Variants in HNRNPC observed in about 807,000 individuals in gnomAD.
HNRNPC encodes heterogeneous nuclear ribonucleoproteins C1/C2.
HNRNPC carries 3 observed loss-of-function variants against 33.2 expected under a neutral mutation model. That is an observed-to-expected ratio of 0.09 (90% CI 0.04 to 0.23). The LOEUF (loss-of-function observed/expected upper bound fraction) is 0.23, where lower values mean the gene tolerates loss of function less well. Ranked by LOEUF, HNRNPC falls within the 10% of genes least tolerant of loss-of-function variation. The pLI is 1.00. For missense variants in HNRNPC, 143 were observed against 366.7 expected (o/e 0.39, Z 4.98); for synonymous variants, 121 against 126.7 (o/e 0.96, Z 0.30).
intron 5 of HNRNPC, among the ~76,000 whole-genome samples, chr14:21,224,941 T>G (rs1893246136): frequency 6.6e-6 from 1 of 152,152 alleles, no homozygotes; most frequent in Non-Finnish European, 1.5e-5. Flanking sequence ...TATACTGTAT[T>G]ACTAGTCATG....
intron 5 of HNRNPC, among the ~76,000 whole-genome samples, chr14:21,224,690 A>G (rs936613095): frequency 6.6e-6 from 1 of 152,124 alleles, no homozygotes; most frequent in African/African-American, 2.4e-5. Context: ...ATAGGACACA[A>G]TCCCAGAACA....
chr14:21,249,146 G>A (rs899965106), intron 2 of HNRNPC, among the ~76,000 whole-genome samples: 2 of 152,082 alleles, frequency 1.3e-5, no homozygotes, highest in Admixed American at 6.6e-5. Flanking sequence ...CTTCTGCAAA[G>A]ATAGCAAAAT....
chr14:21,255,876 GAC>G (rs1444147949), intron 2 of HNRNPC, among the ~76,000 whole-genome samples: 1 of 152,208 alleles, frequency 6.6e-6, no homozygotes, highest in African/African-American at 2.4e-5. Flanking sequence ...AATAAGGGAA[GAC>G]ACATCACTAA....
rs759991431 is a variant in HNRNPC at position 21,211,835 on chromosome 14, A to T, written c.612T>A (p.Ile204=). ...CTGCTTGTTTGCTCTGTTCCTTTTCAATTTTTTCCAGGTTTTCCAGGAGAG... is the reference window on the plus strand; with the variant it reads ...CTGCTTGTTTGCTCTGTTCCTTTTCTATTTTTTCCAGGTTTTCCAGGAGAG... ...VDSLLENLEK[I]EKEQSKQAVE... is the part of the protein sequence containing the mutation. The change falls in exon 7 of 9, where the codon ATT becomes ATA. Residue 204 remains isoleucine (I), a synonymous_variant. Transcript: ENST00000553300. 2 of 1,612,460 alleles carry T rather than the reference A, an allele frequency of 1.2e-6. No homozygotes were observed. The highest frequency in any genetic ancestry group is 1.7e-6 in the Non-Finnish European group (2 of 1,179,888).
intron 2 of HNRNPC, among the ~76,000 whole-genome samples, chr14:21,244,903 GGT>G (rs1895789175): frequency 6.6e-6 from 1 of 151,734 alleles, no homozygotes; most frequent in Non-Finnish European, 1.5e-5. Flanking sequence ...AGACCAATAT[GGT>G]GAAACCCAGT....
At chr14:21,236,131 A>G (rs1329573480) in intron 2 of HNRNPC, among the ~76,000 whole-genome samples, 1 of 152,106 alleles carries the variant, frequency 6.6e-6, no homozygotes, top group Non-Finnish European at 1.5e-5. Context: ...ACCCCACGGC[A>G]TTTTTCATGT....
chr14:21,258,327 T>C (rs569598703), intron 2 of HNRNPC, among the ~76,000 whole-genome samples: 3 of 151,792 alleles, frequency 2.0e-5, no homozygotes, highest in Admixed American at 2.0e-4. Flanking sequence ...GAGGCGGAGG[T>C]TGCAGTGAGC....
chr14:21,235,151 C>T (rs1274439063), intron 2 of HNRNPC, among the ~76,000 whole-genome samples: 2 of 152,148 alleles, frequency 1.3e-5, no homozygotes, highest in Non-Finnish European at 2.9e-5. Flanking sequence ...TCTCAGGTCC[C>T]GTAAAGCGAA....
At chr14:21,241,665 T>C (rs1443214422) in intron 2 of HNRNPC, among the ~76,000 whole-genome samples, 2 of 152,242 alleles carry the variant, frequency 1.3e-5, no homozygotes, top group African/African-American at 4.8e-5. Flanking sequence ...CTGCTTCCTA[T>C]GGATCTTATT....
At chr14:21,249,970 GAATATGC>G (rs1896448663) in intron 2 of HNRNPC, among the ~76,000 whole-genome samples, 3 of 152,160 alleles carry the variant, frequency 2.0e-5, no homozygotes, top group Non-Finnish European at 2.9e-5. Context: ...TGAATCAAGA[GAATATGC>G]AATATGCAAA....
chr14:21,216,332 TTAA>T (rs1892181858), intron 5 of HNRNPC, among the ~76,000 whole-genome samples: 3 of 152,174 alleles, frequency 2.0e-5, no homozygotes, highest in Admixed American at 2.0e-4. Context: ...CGTTAATCTA[TTAA>T]TAATAAAGCT....
intron 3 of HNRNPC, among the ~76,000 whole-genome samples, chr14:21,233,252 ACATTAT>A (rs918813413): frequency 6.6e-6 from 1 of 152,236 alleles, no homozygotes; most frequent in Non-Finnish European, 1.5e-5. Flanking sequence ...TGGTTACATA[ACATTAT>A]CAAAGAATTG....
intron 2 of HNRNPC, among the ~76,000 whole-genome samples, chr14:21,258,289 C>T (rs1179703816): frequency 1.3e-5 from 2 of 151,600 alleles, no homozygotes; most frequent in Non-Finnish European, 2.9e-5. Context: ...ACTCAGGAGG[C>T]GGAGGCACAA....
At chr14:21,219,733 C>T (rs913752127) in intron 5 of HNRNPC, among the ~76,000 whole-genome samples, 12 of 152,178 alleles carry the variant, frequency 7.9e-5, no homozygotes, top group Middle Eastern at 3.4e-3. Flanking sequence ...TCCAGTATTG[C>T]GGTTTTATAA....
intron 2 of HNRNPC, among the ~76,000 whole-genome samples, chr14:21,234,500 C>T (rs1462384369): frequency 1.3e-5 from 2 of 152,184 alleles, no homozygotes; most frequent in East Asian, 3.8e-4. Flanking sequence ...CCTGGCAGAT[C>T]ATTGGCAATA....
intron 5 of HNRNPC, among the ~76,000 whole-genome samples, chr14:21,229,794 G>GT (rs2139622944): frequency 6.6e-6 from 1 of 152,232 alleles, no homozygotes; most frequent in South Asian, 2.1e-4. Context: ...AAGACAAATA[G>GT]TATATAAAGT....
In HNRNPC at chr14:21,260,369, TAA is replaced by T. The variant is rs11345053; in HGVS notation, c.-37+2940_-37+2941del. 7.2e-3 allele frequency among the ~76,000 whole-genome samples: 880 copies of T among 122,146 alleles called. 8 individuals are homozygous for T. Among genetic ancestry groups the T allele is most frequent in the African/African-American group, 0.021 (705 of 33,464 alleles). The allele number at this position is 122,146 out of a possible 152,430, so 80.1% of individuals were successfully genotyped here. On this transcript the variant is annotated intron_variant, in intron 2 of 8. Coordinates refer to ENST00000553300, the MANE Select transcript of HNRNPC (RefSeq NM_004500.4). Reference sequence around the variant, plus strand: ...TGACAGAGCGAGACTCCGTCTTATTTAAAAAAAAAAAAAAAAAAAAATCCCTT... The same window carrying T: ...TGACAGAGCGAGACTCCGTCTTATTTAAAAAAAAAAAAAAAAAAATCCCTT...
chr14:21,255,243 C>A (rs1876969532), intron 2 of HNRNPC, among the ~76,000 whole-genome samples: 1 of 152,132 alleles, frequency 6.6e-6, no homozygotes, highest in African/African-American at 2.4e-5. Flanking sequence ...GTTCAATGAA[C>A]TCCTGGAGTT....
At chr14:21,260,559 C>T (rs936445577) in intron 2 of HNRNPC, among the ~76,000 whole-genome samples, 9 of 151,776 alleles carry the variant, frequency 5.9e-5, no homozygotes, top group African/African-American at 2.2e-4. Context: ...CAGCTCACAC[C>T]TGTGATCCCA....
Sources: gnomAD v4.1 joint callset for allele counts (sites outside exome capture counted in the v4.1 genomes callset) on GRCh38, gnomAD v4.1.1 for gene constraint, MANE v1.5 for transcripts, NCBI Gene and HGNC (gene_info 2026-07-23, HGNC 2026-07-21) for gene names.